The following NAV3 variants were observed in gnomAD, a reference collection of about 807,000 sequenced individuals.
The protein encoded by NAV3 is pore membrane and/or filament interacting like protein 1.
In NAV3, 87 loss-of-function variants were observed where a neutral mutation model predicts 244.7. That is an observed-to-expected ratio of 0.36 (90% CI 0.30 to 0.42). NAV3 has a LOEUF of 0.42. Among genes scored for constraint, NAV3 ranks in the 20% least tolerant of loss-of-function variants. The pLI, the probability that NAV3 is intolerant of heterozygous loss-of-function variation, is 1.00. For missense variants in NAV3, 2,663 were observed against 2,893.3 expected, an observed-to-expected ratio of 0.92 and a Z score of 1.83; for synonymous variants, 1,126 against 1,042.2, an observed-to-expected ratio of 1.08 and a Z score of -1.55.
intron 1 of NAV3, among the ~76,000 whole-genome samples, chr12:77,848,586 A>G (rs1592771524): frequency 1.3e-5 from 2 of 152,340 alleles, no homozygotes; most frequent in African/African-American, 2.4e-5. Flanking sequence ...TCTGCTGGAT[A>G]TAGTCAAGTT....
chr12:78,207,614 G>A (rs1960462702), intron 39 of NAV3, among the ~76,000 whole-genome samples: 1 of 152,108 alleles, frequency 6.6e-6, no homozygotes, highest in Non-Finnish European at 1.5e-5. Context: ...ATGGTTGCAG[G>A]GAGAACATCC....
intron 1 of NAV3, among the ~76,000 whole-genome samples, chr12:77,860,858 G>A (rs950292790): frequency 1.3e-5 from 2 of 151,774 alleles, no homozygotes; most frequent in African/African-American, 4.8e-5. Context: ...GTCCTAAAAG[G>A]GAAATAAAGG....
intron 2 of NAV3, among the ~76,000 whole-genome samples, chr12:77,743,350 C>T (rs186433787): frequency 1.8e-4 from 27 of 151,808 alleles, no homozygotes; most frequent in Non-Finnish European, 3.4e-4. Context: ...AGGATTTTTT[C>T]GACTAGGGGT....
At position 77,960,915 on chromosome 12, in the gene NAV3, CAT is replaced by C. The variant is rs536958490; in HGVS notation, c.415-5313_415-5312del. Among the ~76,000 whole-genome samples the C allele has an allele frequency of 8.5e-3, 1,239 of 145,670 alleles. 20 individuals are homozygous for C. The highest frequency in any genetic ancestry group is 0.03 in the African/African-American group (1,186 of 40,202). ...ATGAACATATCATATATTCAATATA[CAT>C]GTGTTTAATATATTATGTGTATACA... On this transcript the variant is annotated intron_variant, in intron 3 of 39. Transcript: ENST00000397909.
chr12:78,173,014 A>G (rs1958068790), intron 24 of NAV3, among the ~76,000 whole-genome samples: 1 of 151,622 alleles, frequency 6.6e-6, no homozygotes, highest in Admixed American at 6.6e-5. Context: ...GAACTGGGGC[A>G]GTGGTGACAC....
intron 2 of NAV3, among the ~76,000 whole-genome samples, chr12:77,610,183 T>C (rs1182432451): frequency 6.6e-6 from 1 of 152,082 alleles, no homozygotes; most frequent in Non-Finnish European, 1.5e-5. Context: ...TATTGAACTA[T>C]TGGTTTCTGA....
chr12:78,042,418 A>T (rs1398115996), intron 9 of NAV3, among the ~76,000 whole-genome samples: 1 of 152,254 alleles, frequency 6.6e-6, no homozygotes, highest in African/African-American at 2.4e-5. Flanking sequence ...CTGGAGAAGT[A>T]ATTAAAAATA....
chr12:77,930,995 T>C (rs560252023), intron 1 of NAV3, among the ~76,000 whole-genome samples: 1 of 152,286 alleles, frequency 6.6e-6, no homozygotes, highest in South Asian at 2.1e-4. Context: ...GCTTTTAGAA[T>C]ATTCTTTTTA....
chr12:78,175,551 C>G, intron 25 of NAV3, 124 bp downstream of exon 25: 1 of 1,226,554 alleles, frequency 8.2e-7, no homozygotes, highest in Non-Finnish European at 1.1e-6. Context: ...ACTGAGACCT[C>G]AAATGCTGCA....
chr12:77,898,752 A>T (rs1043705421), intron 1 of NAV3, among the ~76,000 whole-genome samples: 1 of 152,130 alleles, frequency 6.6e-6, no homozygotes, highest in Admixed American at 6.6e-5. Context: ...AAGACTTTCA[A>T]CTCTCACTCT....
rs372743912 is a variant in NAV3 at position 77,814,897 on chromosome 12, TA to T, written c.73-125421del. On this transcript the variant is annotated intron_variant, in intron 2 of 8. Coordinates refer to the NAV3 transcript ENST00000550042. ...GCCCCAGTTTCAGGAGAGGAAGAGA[TA>T]TTTTTTTCTTTTTTCTAAGAGTGGA... Among the ~76,000 whole-genome samples, 82 of 152,280 alleles carry T rather than the reference TA, an allele frequency of 5.4e-4. No individual in the cohort carries two copies. The Middle Eastern group carries it at 0.017, about 32-fold the overall frequency.
intron 2 of NAV3, among the ~76,000 whole-genome samples, chr12:77,654,738 G>A (rs1025489079): frequency 7.2e-5 from 11 of 152,012 alleles, no homozygotes; most frequent in East Asian, 1.9e-4. Flanking sequence ...TCACATGGCC[G>A]GGTACTCCTC....
At position 78,128,801 on chromosome 12, in the gene NAV3, C is replaced by T. The variant is rs1402951305; in HGVS notation, c.4376C>T (p.Ser1459Leu). The change falls in exon 18 of 40, where the codon TCA (serine) becomes TTA (leucine). Residue 1459 changes from serine to leucine, a missense_variant. Transcript: ENST00000397909. ...GGGCTTCAGGACACTGGCAACCAGT[C>T]ACCTCTGGTTTCCCCTTCTGCCATG... ...TGGLQDTGNQ[S>L]PLVSPSAMSS... The T allele has an allele frequency of 2.5e-6, 4 of 1,614,008 alleles. No homozygotes were observed. In the East Asian group the frequency reaches 8.9e-5, roughly 36 times the overall value.
intron 32 of NAV3, 46 bp downstream of exon 32, chr12:78,188,389 T>C (rs1354366274): frequency 2.7e-6 from 4 of 1,473,670 alleles, no homozygotes; most frequent in Non-Finnish European, 3.7e-6. Flanking sequence ...AATATGTTTC[T>C]CTTTAATTGT....
chr12:77,851,660 G>A (rs1216398080), intron 1 of NAV3, among the ~76,000 whole-genome samples: 2 of 152,062 alleles, frequency 1.3e-5, no homozygotes, highest in African/African-American at 4.8e-5. Flanking sequence ...AACAAAAAAT[G>A]CTATGCTATT....
intron 12 of NAV3, among the ~76,000 whole-genome samples, chr12:78,093,253 T>C (rs1478357157): frequency 1.3e-5 from 2 of 152,242 alleles, no homozygotes; most frequent in African/African-American, 4.8e-5. Flanking sequence ...TTATTTGTTA[T>C]AAATGGGCTA....
chr12:78,044,392 T>A (rs1881406042), intron 9 of NAV3, among the ~76,000 whole-genome samples: 1 of 152,206 alleles, frequency 6.6e-6, no homozygotes, highest in South Asian at 2.1e-4. Flanking sequence ...TCTTTTTCTT[T>A]AGGATTATCT....
At chr12:78,197,688 C>A (rs941101043) in intron 35 of NAV3, among the ~76,000 whole-genome samples, 1 of 151,790 alleles carries the variant, frequency 6.6e-6, no homozygotes, top group African/African-American at 2.4e-5. Context: ...TAATATTATA[C>A]CACAGTTTTA....
chr12:77,645,652 T>G (rs1872581727), intron 2 of NAV3, among the ~76,000 whole-genome samples: 1 of 152,046 alleles, frequency 6.6e-6, no homozygotes, highest in Non-Finnish European at 1.5e-5. Flanking sequence ...TTTCTATTTC[T>G]GTTTGCAAAT....
Sources: gnomAD v4.1 joint callset for allele counts (sites outside exome capture counted in the v4.1 genomes callset) on GRCh38, gnomAD v4.1.1 for gene constraint, MANE v1.5 for transcripts, NCBI Gene and HGNC (gene_info 2026-07-23, HGNC 2026-07-21) for gene names.